Variants in CALD1 observed in about 807,000 individuals in gnomAD.
CALD1 encodes the protein caldesmon 1.
CALD1 carries 33 observed loss-of-function variants against 99.9 expected under a neutral mutation model. The observed-to-expected ratio is 0.33, with a 90% CI of 0.25 to 0.44. The LOEUF (loss-of-function observed/expected upper bound fraction) is 0.44, where lower values mean the gene tolerates loss of function less well. Among genes scored for constraint, CALD1 ranks in the 20% least tolerant of loss-of-function variants. The pLI is 1.00. For missense variants in CALD1, 861 were observed against 962.1 expected (o/e 0.89, Z 1.39); for synonymous variants, 310 against 325.0 (o/e 0.95, Z 0.50).
At chr7:134,935,459 A>C (rs1805889664) in intron 5 of CALD1, among the ~76,000 whole-genome samples, 1 of 152,160 alleles carries the variant, frequency 6.6e-6, no homozygotes, top group East Asian at 1.9e-4. Flanking sequence ...GGAGTGCCAC[A>C]TCATGCTAGA....
chr7:134,849,839 C>T (rs1334157998), intron 2 of CALD1, among the ~76,000 whole-genome samples: 2 of 152,180 alleles, frequency 1.3e-5, no homozygotes, highest in Non-Finnish European at 2.9e-5. Context: ...TGCCTCAACA[C>T]CCCCATGCCT....
chr7:134,839,717 G>T (rs1384983161), intron 1 of CALD1, among the ~76,000 whole-genome samples: 1 of 151,982 alleles, frequency 6.6e-6, no homozygotes, highest in Non-Finnish European at 1.5e-5. Context: ...TTGAGACAAG[G>T]TCTCTCTCTG....
intron 2 of CALD1, among the ~76,000 whole-genome samples, chr7:134,852,408 G>A (rs1800120700): frequency 6.6e-6 from 1 of 152,140 alleles, no homozygotes; most frequent in Non-Finnish European, 1.5e-5. Context: ...ATAGAGTGGA[G>A]CCATTTCACA....
rs566365475 is a variant in CALD1, at chr7:134,929,411, G to A, written c.218+511G>A. On this transcript the variant is annotated intron_variant, in intron 4 of 14. Transcript: ENST00000361675. ...CTCACACCCTCCTACCTTTCTCCCCGAGTCCCCAGTGTCCATTATATCACT... is the reference window on the plus strand; with the variant it reads ...CTCACACCCTCCTACCTTTCTCCCCAAGTCCCCAGTGTCCATTATATCACT... Among the ~76,000 whole-genome samples the A allele has an allele frequency of 4.0e-5, 6 of 150,898 alleles. No individual in the cohort carries two copies. The South Asian group carries it at 8.4e-4, about 21-fold the overall frequency.
chr7:134,912,175 G>T (rs1803864624), intron 3 of CALD1, among the ~76,000 whole-genome samples: 1 of 152,218 alleles, frequency 6.6e-6, no homozygotes, highest in South Asian at 2.1e-4. Context: ...CCGACCCCAT[G>T]TGACTGGTCC....
intron 2 of CALD1, among the ~76,000 whole-genome samples, chr7:134,845,146 G>A (rs927361134): frequency 4.6e-5 from 7 of 152,118 alleles, no homozygotes; most frequent in African/African-American, 1.7e-4. Context: ...TTCTTAGAGT[G>A]TATTATAATC....
chr7:134,832,383 T>G (rs192307470), intron 1 of CALD1, among the ~76,000 whole-genome samples: 4 of 152,332 alleles, frequency 2.6e-5, no homozygotes, highest in Admixed American at 2.0e-4. Context: ...GAGAGCCCTC[T>G]CCTGCTCCCT....
intron 3 of CALD1, among the ~76,000 whole-genome samples, chr7:134,910,803 G>C (rs908511468): frequency 1.3e-5 from 2 of 152,162 alleles, no homozygotes; most frequent in South Asian, 4.1e-4. Flanking sequence ...GGTCTTCTTA[G>C]TAAGTAAAAT....
At chr7:134,832,835 C>G (rs1563031802) in intron 1 of CALD1, among the ~76,000 whole-genome samples, 1 of 152,198 alleles carries the variant, frequency 6.6e-6, no homozygotes, top group Non-Finnish European at 1.5e-5. Context: ...AGTTGTAGCT[C>G]TGCTCAAGGT....
At chr7:134,738,215 C>G in the CALD1 span, among the ~76,000 whole-genome samples, 2 of 152,194 alleles carry the variant, frequency 1.3e-5, no homozygotes, top group Admixed American at 1.3e-4. Context: ...CACTCCAATT[C>G]TGCGGGAAAT....
At chr7:134,887,764 C>T (rs1285420283) in intron 3 of CALD1, among the ~76,000 whole-genome samples, 2 of 139,454 alleles carry the variant, frequency 1.4e-5, no homozygotes, top group African/African-American at 2.8e-5. Context: ...CTCTATGTGC[C>T]TGCGTGTGTA....
intron 1 of CALD1, among the ~76,000 whole-genome samples, chr7:134,821,081 G>GT (rs1398784224): frequency 6.6e-6 from 1 of 152,096 alleles, no homozygotes; most frequent in African/African-American, 2.4e-5. Context: ...CTAAGCAACT[G>GT]TTGGAATTTG....
rs753596762 is a variant in CALD1 at position 134,960,524 on chromosome 7, C to T, written c.2200-9C>T. On this transcript the variant is annotated splice_polypyrimidine_tract_variant and intron_variant, in intron 12 of 14. Coordinates refer to ENST00000361675, the MANE Select transcript of CALD1 (RefSeq NM_033138.4). ...TTCTTTAATATTTTGGATGATTGCC[C>T]CTTTGTAGGAAACTGCTGGCTTGAA... 1.3e-6 allele frequency: 2 copies of T among 1,570,958 alleles called. No homozygotes were observed. Among genetic ancestry groups the T allele is most frequent in the Middle Eastern group, 1.7e-4 (1 of 6,000 alleles).
chr7:134,947,958 G>T, intron 8 of CALD1, 189 bp downstream of exon 8: 1 of 633,794 alleles, frequency 1.6e-6, no homozygotes, highest in Non-Finnish European at 2.7e-6. Context: ...CGCTGACCTA[G>T]GTACTAATCC....
chr7:134,711,687 T>C, the CALD1 span, among the ~76,000 whole-genome samples: 119 of 40,300 alleles, frequency 3.0e-3, 5 homozygotes, highest in South Asian at 0.1. Context: ...TATATGTGTG[T>C]GTGTGTGTGT....
chr7:134,773,195 G>A (rs1230145109), intron 1 of CALD1, among the ~76,000 whole-genome samples: 1 of 150,090 alleles, frequency 6.7e-6, no homozygotes, highest in Non-Finnish European at 1.5e-5. Context: ...ACACTCAGGT[G>A]TAATTATGCA....
At chr7:134,835,473 G>A (rs1799395023) in intron 1 of CALD1, among the ~76,000 whole-genome samples, 1 of 152,156 alleles carries the variant, frequency 6.6e-6, no homozygotes, top group Non-Finnish European at 1.5e-5. Context: ...ATATGGCCCT[G>A]TCCTTAGGTA....
At chr7:134,822,870 T>C (rs1160779780) in intron 1 of CALD1, among the ~76,000 whole-genome samples, 1 of 152,228 alleles carries the variant, frequency 6.6e-6, no homozygotes, top group Non-Finnish European at 1.5e-5. Context: ...GGCTAGATCA[T>C]GTGTTCCTTG....
At chr7:134,733,557 C>T in the CALD1 span, among the ~76,000 whole-genome samples, 11 of 151,990 alleles carry the variant, frequency 7.2e-5, no homozygotes, top group Admixed American at 7.2e-4. Flanking sequence ...GCCTGTAATC[C>T]CAGCACTTTG....
Sources: gnomAD v4.1 joint callset for allele counts (sites outside exome capture counted in the v4.1 genomes callset) on GRCh38, gnomAD v4.1.1 for gene constraint, MANE v1.5 for transcripts, NCBI Gene and HGNC (gene_info 2026-07-23, HGNC 2026-07-21) for gene names.